Variants in PRSS35 observed in about 807,000 individuals in gnomAD.
PRSS35 encodes serine protease 35.
In PRSS35, 7 loss-of-function variants were observed where a neutral mutation model predicts 8.1. The ratio of observed to expected loss-of-function variants is 0.86; its 90% CI spans 0.49 to 1.62. PRSS35 has a LOEUF of 1.62. Among genes scored for constraint, PRSS35 ranks in the 40% most tolerant of loss-of-function variants. PRSS35 has a pLI of 0.00. For missense variants in PRSS35, 566 were observed against 518.0 expected (o/e 1.09, Z -0.90); for synonymous variants, 199 against 188.7 (o/e 1.05, Z -0.45).
Position 83,525,427 on chromosome 6 carries a change from T to A in PRSS35, c.*744T>A, listed in dbSNP as rs1771919714. The A allele has an allele frequency of 6.0e-6, 1 of 167,088 alleles. No individual in the cohort carries two copies. Among genetic ancestry groups the A allele is most frequent in the East Asian group, 1.9e-4 (1 of 5,206 alleles). The allele number at this position is 167,088 out of a possible 1,614,324, so 10.4% of individuals were successfully genotyped here. A position where few individuals can be genotyped will look rare whatever the true frequency, so the allele number is the denominator to read the frequency against. The stretch of plus-strand genomic sequence containing the variant: ...AGATCTCAAGTTTTTATTTAACTAA[T>A]ACTCAAAATATGGACTTTTCATGTA... On this transcript the variant is annotated 3_prime_UTR_variant, in exon 2 of 2. Coordinates refer to ENST00000369700, the MANE Select transcript of PRSS35 (RefSeq NM_153362.3).
intron 1 of PRSS35, among the ~76,000 whole-genome samples, chr6:83,516,629 T>C (rs1326333753): frequency 2.0e-5 from 3 of 146,704 alleles, no homozygotes; most frequent in African/African-American, 5.0e-5. Context: ...CTTCTGTTTT[T>C]AGTTTTAAAT....
chr6:83,524,392 T>C lies in PRSS35; in HGVS notation c.951T>C (p.Ala317=). The change falls in exon 2 of 2, where the codon GCT becomes GCC. Residue 317 remains alanine, a synonymous_variant. Transcript: ENST00000369700. ...IHFSGFDNDR[A]DQLVYRFCSV... is the part of the protein sequence containing the mutation. The stretch of plus-strand genomic sequence containing the variant: ...TCTCAGGATTTGATAACGATAGGGC[T>C]GATCAGTTGGTCTATCGGTTTTGCA... The C allele has an allele frequency of 6.2e-7, 1 of 1,614,238 alleles. No individual in the cohort carries two copies. The highest frequency in any genetic ancestry group is 8.5e-7 in the Non-Finnish European group (1 of 1,180,050).
intron 1 of PRSS35, among the ~76,000 whole-genome samples, chr6:83,515,827 CT>C (rs11464464): frequency 6.6e-6 from 1 of 151,018 alleles, no homozygotes; most frequent in Non-Finnish European, 1.5e-5. Flanking sequence ...CTTCTCTTTT[CT>C]TTTTTTTGAC....
intron 1 of PRSS35, among the ~76,000 whole-genome samples, chr6:83,516,575 C>CAAAAAA (rs70987760): frequency 9.8e-6 from 1 of 101,894 alleles, no homozygotes; most frequent in Non-Finnish European, 2.0e-5. Flanking sequence ...GACTGCGTCT[C>CAAAAAA]AAAAAAAAAA....
At position 83,523,559 on chromosome 6, in the gene PRSS35, G is replaced by T. The variant is rs1343496105; in HGVS notation, c.118G>T (p.Glu40Ter). ...GAGAAAGGTACCCCGGATTGTCAGT[G>T]AAAGGACTTTCCATCTCACCAGCCC... ...HLRKVPRIVS[E>*]RTFHLTSPAF... Residue 40 changes from glutamate (E) to a stop codon, truncating the protein, a stop_gained, in exon 2 of 2, where the codon GAA becomes TAA. Transcript: ENST00000369700. LOFTEE classifies it low-confidence loss of function (END_TRUNC). 1 of 1,614,182 alleles carries T rather than the reference G, an allele frequency of 6.2e-7. No individual in the cohort carries two copies. The highest frequency in any genetic ancestry group is 2.2e-5 in the East Asian group (1 of 44,876).
At chr6:83,521,516 C>A (rs1043464559) in intron 1 of PRSS35, among the ~76,000 whole-genome samples, 2 of 149,618 alleles carry the variant, frequency 1.3e-5, no homozygotes, top group South Asian at 2.2e-4. Flanking sequence ...ACCTCCCCCC[C>A]TCCTCTCCTC....
At chr6:83,516,924 A>G (rs1771733636) in intron 1 of PRSS35, among the ~76,000 whole-genome samples, 3 of 152,166 alleles carry the variant, frequency 2.0e-5, no homozygotes, top group Admixed American at 1.3e-4. Flanking sequence ...TCGTATTTGT[A>G]AAGTCTCTTT....
At chr6:83,516,451 C>T (rs942852945) in intron 1 of PRSS35, among the ~76,000 whole-genome samples, 1 of 151,758 alleles carries the variant, frequency 6.6e-6, no homozygotes, top group Non-Finnish European at 1.5e-5. Context: ...TGGCGGGCGC[C>T]TGTAGTCCCA....
In PRSS35 at chr6:83,524,736, C is replaced by G. The variant is rs1771906754; in HGVS notation, c.*53C>G. On this transcript the variant is annotated 3_prime_UTR_variant, in exon 2 of 2. Transcript: ENST00000369700. ...ATCTAAATCACAGAGAAAACCAGCTCTGCTTACCGTAGTGAGATCACTTCA... is the reference window on the plus strand; with the variant it reads ...ATCTAAATCACAGAGAAAACCAGCTGTGCTTACCGTAGTGAGATCACTTCA... The G allele has an allele frequency of 6.6e-7, 1 of 1,521,678 alleles. No individual in the cohort carries two copies. The highest frequency in any genetic ancestry group is 1.4e-5 in the African/African-American group (1 of 72,448). The allele number at this position is 1,521,678 out of a possible 1,614,324, so 94.3% of individuals were successfully genotyped here. A position where few individuals can be genotyped will look rare whatever the true frequency, so the allele number is the denominator to read the frequency against.
rs759516573 is a variant in PRSS35, at chr6:83,523,598, G to C, written c.157G>C (p.Asp53His). The change falls in exon 2 of 2, where the codon GAT (aspartate) becomes CAT (histidine). Residue 53 changes from aspartate to histidine, a missense_variant. By Grantham distance (81) the Asp-to-His change is moderately conservative. Transcript: ENST00000369700. The stretch of plus-strand genomic sequence containing the variant: ...TCTCACCAGCCCCGCATTTGAGGCA[G>C]ATGCTAAGATGATGGTAAATACAGT... ...FHLTSPAFEA[D>H]AKMMVNTVCG... 4.6e-5 allele frequency: 75 copies of C among 1,614,182 alleles called. No homozygotes were observed. Among genetic ancestry groups the C allele is most frequent in the Non-Finnish European group, 6.2e-5 (73 of 1,180,042 alleles).
rs1171110 is a variant in PRSS35 at position 83,515,971 on chromosome 6, T to A, written c.-21+3277T>A. ...CTGGGATTACAGGTACACAACAGCA[T>A]GCCTGGCTAATTTTTGTATTTTTAG... On this transcript the variant is annotated intron_variant, in intron 1 of 1. Coordinates refer to ENST00000369700, the MANE Select transcript of PRSS35 (RefSeq NM_153362.3). Among the ~76,000 whole-genome samples, 3 of 151,880 alleles carry A rather than the reference T, an allele frequency of 2.0e-5. No individual in the cohort carries two copies. The East Asian group carries it at 5.9e-4, about 30-fold the overall frequency.
Position 83,524,401 on chromosome 6 carries a change from G to A in PRSS35, c.960G>A (p.Leu320=). The stretch of plus-strand genomic sequence containing the variant: ...TTGATAACGATAGGGCTGATCAGTT[G>A]GTCTATCGGTTTTGCAGTGTGTCCG... ...SGFDNDRADQ[L]VYRFCSVSDE... is the part of the protein sequence containing the mutation. Residue 320 remains leucine (L), a synonymous_variant, in exon 2 of 2, where the codon TTG becomes TTA. Coordinates refer to ENST00000369700, the MANE Select transcript of PRSS35 (RefSeq NM_153362.3). 6.2e-7 allele frequency: 1 copy of A among 1,614,168 alleles called. No individual in the cohort carries two copies. The highest frequency in any genetic ancestry group is 1.1e-5 in the South Asian group (1 of 91,088).
At chr6:83,520,598 G>A (rs1003360884) in intron 1 of PRSS35, among the ~76,000 whole-genome samples, 1 of 152,128 alleles carries the variant, frequency 6.6e-6, no homozygotes, top group African/African-American at 2.4e-5. Flanking sequence ...GGAAAACCAT[G>A]CCTATATCAT....
Position 83,524,190 on chromosome 6 carries a change from A to C in PRSS35, c.749A>C (p.Gln250Pro), listed in dbSNP as rs746859209. ...QRIAEGRPSFQWTRVKNTHIP... is the reference protein window; with the variant it reads ...QRIAEGRPSFPWTRVKNTHIP... Reference sequence around the variant, plus strand: ...ATTGCCGAAGGGAGGCCTTCCTTTCAGTGGACCCGGGTCAAGAATACCCAC... The same window carrying C: ...ATTGCCGAAGGGAGGCCTTCCTTTCCGTGGACCCGGGTCAAGAATACCCAC... The change falls in exon 2 of 2, where the codon CAG (glutamine) becomes CCG (proline). Residue 250 changes from glutamine to proline, a missense_variant. Gln to Pro is a moderately conservative substitution (Grantham distance 76). Transcript: ENST00000369700. The C allele has an allele frequency of 1.2e-6, 2 of 1,614,098 alleles. No individual in the cohort carries two copies. Among genetic ancestry groups the C allele is most frequent in the East Asian group, 4.5e-5 (2 of 44,872 alleles).
Position 83,524,286 on chromosome 6 carries a change from T to C in PRSS35, c.845T>C (p.Leu282Pro). 6.2e-7 allele frequency: 1 copy of C among 1,614,134 alleles called. No individual in the cohort carries two copies. The highest frequency in any genetic ancestry group is 8.5e-7 in the Non-Finnish European group (1 of 1,180,024). ...TLDYDYALLE[L>P]KRAHKKKYME... ...GACTATGACTATGCTCTTCTGGAGCTGAAGCGTGCTCACAAAAAGAAATAC... is the reference window on the plus strand; with the variant it reads ...GACTATGACTATGCTCTTCTGGAGCCGAAGCGTGCTCACAAAAAGAAATAC... The change falls in exon 2 of 2, where the codon CTG becomes CCG. Residue 282 changes from leucine to proline, a missense_variant. Coordinates refer to ENST00000369700, the MANE Select transcript of PRSS35 (RefSeq NM_153362.3).
intron 1 of PRSS35, among the ~76,000 whole-genome samples, chr6:83,516,834 C>T (rs150779212): frequency 6.6e-6 from 1 of 152,222 alleles, no homozygotes; most frequent in African/African-American, 2.4e-5. Context: ...CTGCCTCCTT[C>T]TTATATGAGC....
chr6:83,514,291 T>A (rs1771675545), intron 1 of PRSS35, among the ~76,000 whole-genome samples: 1 of 152,194 alleles, frequency 6.6e-6, no homozygotes. Context: ...TCCTTTAATG[T>A]CATTCACCCA....
At position 83,524,534 on chromosome 6, in the gene PRSS35, A is replaced by C; in HGVS notation, c.1093A>C (p.Lys365Gln). ...TCCAGACAAAAAGAATTGGAAGCGC[A>C]AAATCATTGCGGTCTACTCAGGGCA... ...KDPDKKNWKRKIIAVYSGHQW... is the reference protein window; with the variant it reads ...KDPDKKNWKRQIIAVYSGHQW... Residue 365 changes from lysine (K) to glutamine (Q), a missense_variant, in exon 2 of 2, where the codon AAA (lysine) becomes CAA (glutamine). Physicochemically the swap from Lys to Gln is moderately conservative, Grantham distance 53 (BLOSUM62 1). Coordinates refer to ENST00000369700, the MANE Select transcript of PRSS35 (RefSeq NM_153362.3). 4 of 1,614,206 alleles carry C rather than the reference A, an allele frequency of 2.5e-6. No homozygotes were observed. The South Asian group carries it at 3.3e-5, about 13-fold the overall frequency.
chr6:83,522,310 A>G (rs964524958), intron 1 of PRSS35, among the ~76,000 whole-genome samples: 2 of 152,128 alleles, frequency 1.3e-5, no homozygotes, highest in African/African-American at 4.8e-5. Context: ...CTGCTCCAGC[A>G]TGCTCCTACT....
Sources: gnomAD v4.1 joint callset for allele counts (sites outside exome capture counted in the v4.1 genomes callset) on GRCh38, gnomAD v4.1.1 for gene constraint, MANE v1.5 for transcripts, NCBI Gene and HGNC (gene_info 2026-07-23, HGNC 2026-07-21) for gene names.